Variants in PAPLN observed in about 807,000 individuals in gnomAD.
PAPLN encodes papilin.
In PAPLN, 146 loss-of-function variants were observed where a neutral mutation model predicts 159.0. The ratio of observed to expected loss-of-function variants is 0.92; its 90% CI spans 0.80 to 1.05. PAPLN has a LOEUF of 1.05. Ranked by LOEUF, PAPLN falls within the 50% of genes least tolerant of loss-of-function variation. PAPLN has a pLI of 0.00. For synonymous variants in PAPLN, 734 were observed against 702.9 expected (o/e 1.04, Z -0.70); for missense variants, 1,720 against 1,743.9 (o/e 0.99, Z 0.24).
At chr14:73,252,597 G>T in intron 10 of PAPLN, 52 bp from the exon 11 acceptor site, 3 of 1,594,220 alleles carry the variant, frequency 1.9e-6, no homozygotes, top group Non-Finnish European at 2.6e-6. Context: ...CAGGGAACGC[G>T]CTTGGTGAAT....
At chr14:73,252,616 G>A in intron 10 of PAPLN, 33 bp from the exon 11 acceptor site, 1 of 1,605,228 alleles carries the variant, frequency 6.2e-7, no homozygotes, top group African/African-American at 1.3e-5. Context: ...ATGTTGACTG[G>A]CGTCTGCCCG....
intron 1 of PAPLN, 24 bp downstream of exon 1, chr14:73,237,616 G>T (rs1011917662): frequency 2.0e-5 from 3 of 152,168 alleles, no homozygotes; most frequent in African/African-American, 7.2e-5. Flanking sequence ...GGGACTGGAA[G>T]CCCCCGGGCG....
chr14:73,251,154 C>A, intron 7 of PAPLN, 124 bp downstream of exon 7: 1 of 1,452,432 alleles, frequency 6.9e-7, no homozygotes, highest in Non-Finnish European at 9.2e-7. Flanking sequence ...AGGCTCTGAT[C>A]ATATCAGGTC....
At chr14:73,255,083 C>T (rs1451896223) in intron 14 of PAPLN, 65 bp downstream of exon 14, 52 of 1,546,002 alleles carry the variant, frequency 3.4e-5, no homozygotes, top group Non-Finnish European at 3.9e-5. Context: ...ACAAACCCAG[C>T]AAGCATGTCC....
intron 16 of PAPLN, among the ~76,000 whole-genome samples, chr14:73,259,812 C>G (rs1886352829): frequency 6.6e-6 from 1 of 152,174 alleles, no homozygotes; most frequent in Non-Finnish European, 1.5e-5. Flanking sequence ...CAGCCTGAGA[C>G]TCCGAGAAGG....
Position 73,272,659 on chromosome 14 carries a change from C to T in PAPLN, c.3832C>T (p.Gln1278Ter), listed in dbSNP as rs1004581193. The change falls in exon 27 of 27, where the codon CAG (glutamine) becomes TAG (stop). Residue 1278 changes from glutamine to a stop codon, truncating the protein, a stop_gained. Coordinates refer to ENST00000644200, the MANE Select transcript of PAPLN (RefSeq NM_001365906.3). LOFTEE classifies it high-confidence loss of function. ...CCAGCCTCACGCTCAGCCCATCTGG[C>T]AGTAGGGATGAAGGCTAGTTCCAGC... Reference protein sequence around the residue: ...RFQPHAQPIWQ With the variant: ...RFQPHAQPIW 1.0e-5 allele frequency: 16 copies of T among 1,568,776 alleles called. No homozygotes were observed. Among genetic ancestry groups the T allele is most frequent in the Non-Finnish European group, 1.3e-5 (15 of 1,145,978 alleles).
Position 73,262,483 on chromosome 14 carries a change from C to T in PAPLN, c.2379C>T (p.Asn793=). The change falls in exon 19 of 27, where the codon AAC becomes AAT. Residue 793 remains asparagine, a synonymous_variant. Coordinates refer to ENST00000644200, the MANE Select transcript of PAPLN (RefSeq NM_001365906.3). The part of the protein sequence containing the change: ...WYGGCHGNAN[N]FASEQECMSS... ...GCGGCTGCCATGGCAATGCCAATAA[C>T]TTTGCCTCGGAGCAAGAGTGCATGA... 5 of 1,602,848 alleles carry T rather than the reference C, an allele frequency of 3.1e-6. No individual in the cohort carries two copies. Among genetic ancestry groups the T allele is most frequent in the Non-Finnish European group, 4.3e-6 (5 of 1,174,464 alleles).
chr14:73,254,930 T>C lies in PAPLN; in HGVS notation c.1539T>C (p.Ile513=), dbSNP rs2140252032. Residue 513 remains isoleucine (I), a synonymous_variant, in exon 14 of 27, where the codon ATT becomes ATC. Transcript: ENST00000644200. ...GGAGGCGACAGGTCATCTGTGCCAT[T>C]GGGCCGCCCAGCCACTGCGGGAGCC... ...GTRRRQVICA[I]GPPSHCGSLQ... 3.1e-6 allele frequency: 5 copies of C among 1,613,402 alleles called. No homozygotes were observed. The Middle Eastern group carries it at 8.3e-4, about 267-fold the overall frequency.
intron 20 of PAPLN, 195 bp from the exon 21 acceptor site, chr14:73,264,016 G>C (rs953817086): frequency 2.6e-6 from 4 of 1,515,804 alleles, no homozygotes; most frequent in African/African-American, 2.8e-5. Context: ...ACAGGTTCAC[G>C]TGACAGCTCC....
At chr14:73,259,127 G>C (rs933395708) in intron 15 of PAPLN, 68 bp downstream of exon 15, 1 of 1,545,010 alleles carries the variant, frequency 6.5e-7, no homozygotes, top group African/African-American at 1.4e-5. Context: ...TGGTACATGG[G>C]GGTGTGGGGG....
At chr14:73,266,379 A>C (rs1193426485) in intron 23 of PAPLN, 122 bp from the exon 24 acceptor site, 3 of 1,234,582 alleles carry the variant, frequency 2.4e-6, no homozygotes, top group East Asian at 5.2e-5. Context: ...GGGGATGCTT[A>C]GCCTCTCACC....
rs755003400 is a variant in PAPLN at position 73,251,763 on chromosome 14, G to A, written c.770G>A (p.Arg257Gln). The change falls in exon 9 of 27, where the codon CGG becomes CAG. Residue 257 changes from arginine to glutamine, a missense_variant. Physicochemically the swap from Arg to Gln is conservative, Grantham distance 43 (BLOSUM62 1). Coordinates refer to ENST00000644200, the MANE Select transcript of PAPLN (RefSeq NM_001365906.3). ...GCCAGCACCATCCTGCATTACGAGC[G>A]GGGTGCTGAGGGGGACCTGGCCCCT... ...PAASTILHYE[R>Q]GAEGDLAPER... 18 of 1,611,466 alleles carry A rather than the reference G, an allele frequency of 1.1e-5. No individual in the cohort carries two copies. Among genetic ancestry groups the A allele is most frequent in the East Asian group, 1.1e-4 (5 of 44,890 alleles).
At chr14:73,270,670 TTA>T (rs1377426164) in intron 26 of PAPLN, among the ~76,000 whole-genome samples, 4 of 152,172 alleles carry the variant, frequency 2.6e-5, no homozygotes, top group African/African-American at 7.2e-5. Flanking sequence ...GACCTAGACA[TTA>T]TGTTTGCGAT....
chr14:73,252,069 C>T lies in PAPLN; in HGVS notation c.895C>T (p.Leu299=). 1 of 1,612,078 alleles carries T rather than the reference C, an allele frequency of 6.2e-7. No individual in the cohort carries two copies. The highest frequency in any genetic ancestry group is 8.5e-7 in the Non-Finnish European group (1 of 1,179,508). The change falls in exon 10 of 27, where the codon CTG becomes TTG. Residue 299 remains leucine (L), a synonymous_variant. Coordinates refer to ENST00000644200, the MANE Select transcript of PAPLN (RefSeq NM_001365906.3). The part of the protein sequence containing the change: ...PGVHYEYHLP[L]RRPSPGFSWS... ...TGTGCACTATGAGTACCACCTGCCC[C>T]TGCGCCGCCCCAGCCCCGGCTTCAG... is the stretch of plus-strand genomic sequence containing the variant.
At chr14:73,256,465 G>A (rs368493229) in intron 14 of PAPLN, among the ~76,000 whole-genome samples, 1 of 149,030 alleles carries the variant, frequency 6.7e-6, no homozygotes, top group South Asian at 2.1e-4. Flanking sequence ...CTGGCAGGCC[G>A]AGGTTGCAGT....
chr14:73,252,675 A>C lies in PAPLN; in HGVS notation c.994A>C (p.Thr332Pro). The C allele has an allele frequency of 6.2e-7, 1 of 1,613,290 alleles. No homozygotes were observed. The highest frequency in any genetic ancestry group is 8.5e-7 in the Non-Finnish European group (1 of 1,179,982). Reference protein sequence around the residue: ...GGHQSRLVFCTIDHEAYPDHM... With the variant: ...GGHQSRLVFCPIDHEAYPDHM... Reference sequence around the variant, plus strand: ...TCACCAGTCCCGCCTGGTGTTCTGCACCATCGACCATGAGGCCTACCCCGA... The same window carrying C: ...TCACCAGTCCCGCCTGGTGTTCTGCCCCATCGACCATGAGGCCTACCCCGA... Residue 332 changes from threonine to proline, a missense_variant, in exon 11 of 27, where the codon ACC becomes CCC. Physicochemically the swap from Thr to Pro is conservative, Grantham distance 38. Coordinates refer to ENST00000644200, the MANE Select transcript of PAPLN (RefSeq NM_001365906.3).
intron 26 of PAPLN, 52 bp downstream of exon 26, chr14:73,268,775 C>T (rs749322567): frequency 2.0e-6 from 3 of 1,523,092 alleles, no homozygotes; most frequent in Non-Finnish European, 2.6e-6. Context: ...AGTAGATTTA[C>T]TGGTTCTCAA....
At position 73,250,238 on chromosome 14, in the gene PAPLN, G is replaced by T. The variant is rs1051101216; in HGVS notation, c.465+124G>T. 13 of 1,304,848 alleles carry T rather than the reference G, an allele frequency of 1.0e-5. No individual in the cohort carries two copies. In the African/African-American group the frequency reaches 1.8e-4, roughly 18 times the overall value. 80.8% of individuals were successfully genotyped at this position (1,304,848 alleles called of 1,614,324 possible). A position where few individuals can be genotyped will look rare whatever the true frequency, so the allele number is the denominator to read the frequency against. On this transcript the variant is annotated intron_variant, in intron 6 of 26. Coordinates refer to ENST00000644200, the MANE Select transcript of PAPLN (RefSeq NM_001365906.3). ...AGCTTGGTGTCTTCTCAAGTTACCA[G>T]GACACCAAGCCCAGCTCCTAGGGTA... is the stretch of plus-strand genomic sequence containing the variant.
intron 1 of PAPLN, 74 bp from the exon 2 acceptor site, chr14:73,239,699 C>T (rs1450964455): frequency 2.0e-6 from 3 of 1,530,450 alleles, no homozygotes; most frequent in Non-Finnish European, 2.6e-6. Flanking sequence ...GAGAGACGCG[C>T]CCACACACTC....
Sources: allele counts gnomAD v4.1 joint callset (sites outside exome capture counted in the v4.1 genomes callset), GRCh38; gene constraint gnomAD v4.1.1; transcripts MANE v1.5; gene names NCBI Gene and HGNC (gene_info 2026-07-23, HGNC 2026-07-21).